SMCHD1: variants seen among roughly 807,000 people sequenced by gnomAD.
SMCHD1 encodes the protein structural maintenance of chromosomes flexible hinge domain containing 1, also known as structural maintenance of chromosomes flexible hinge domain-containing protein 1.
SMCHD1 carries 78 observed loss-of-function variants against 254.7 expected under a neutral mutation model. The observed-to-expected ratio is 0.31, with a 90% CI of 0.26 to 0.37. The LOEUF (loss-of-function observed/expected upper bound fraction) is 0.37. SMCHD1 is among the 10% of genes least tolerant of loss of function. The probability of loss-of-function intolerance (pLI) is 1.00; values close to 1 mark genes in which losing one functional copy is unlikely to be tolerated. For missense variants in SMCHD1, 1,840 were observed against 2,408.1 expected (o/e 0.76, Z 4.94); for synonymous variants, 766 against 794.9 (o/e 0.96, Z 0.61).
At chr18:2,700,956 A>G in intron 12 of SMCHD1, 38 bp downstream of exon 12, 2 of 1,418,896 alleles carry the variant, frequency 1.4e-6, no homozygotes, top group South Asian at 1.4e-5. Flanking sequence ...ATATTTGCAA[A>G]TGTTTTATTT....
At chr18:2,656,284 GA>G in intron 1 of SMCHD1, 23 bp downstream of exon 1, 1 of 1,466,020 alleles carries the variant, frequency 6.8e-7, no homozygotes, top group Non-Finnish European at 8.9e-7. Flanking sequence ...GCGAGGAAGG[GA>G]TGCGCGTGTA....
chr18:2,706,730 TAAA>T (rs554825774), intron 15 of SMCHD1, among the ~76,000 whole-genome samples: 103 of 152,288 alleles, frequency 6.8e-4, no homozygotes, highest in African/African-American at 2.3e-3. Flanking sequence ...TAACATGTTT[TAAA>T]AAAACTCAGT....
At chr18:2,685,237 C>G (rs1164728523) in intron 5 of SMCHD1, among the ~76,000 whole-genome samples, 1 of 151,230 alleles carries the variant, frequency 6.6e-6, no homozygotes, top group African/African-American at 2.4e-5. Context: ...GTAGCTGGGA[C>G]TACAGGCGCC....
At position 2,667,006 on chromosome 18, in the gene SMCHD1, T is replaced by C. The variant is rs7239096; in HGVS notation, c.399T>C (p.Tyr133=). The part of the protein sequence containing the change: ...TLVKSGMYEY[Y]ASEGQNPLPF... ...TTAAAAGTGGCATGTATGAATATTA[T>C]GCCAGTGAAGGACAAAATCCTTTGC... Residue 133 remains tyrosine (Y), a synonymous_variant, in exon 3 of 48, where the codon TAT becomes TAC. Coordinates refer to ENST00000320876, the MANE Select transcript of SMCHD1 (RefSeq NM_015295.3). 6.2e-3 allele frequency: 9,802 copies of C among 1,593,436 alleles called. 510 individuals carry two copies. In the African/African-American group the frequency reaches 0.11, roughly 19 times the overall value.
At position 2,769,747 on chromosome 18, in the gene SMCHD1, T is replaced by C. The variant is rs754352543; in HGVS notation, c.4773T>C (p.Ile1591=). The change falls in exon 38 of 48, where the codon ATT becomes ATC. Residue 1591 remains isoleucine, a synonymous_variant. Coordinates refer to ENST00000320876, the MANE Select transcript of SMCHD1 (RefSeq NM_015295.3). ...SPGRDSTEYF[I]VFEPRLPLLS... ...GAAGGGATAGTACTGAATATTTTAT[T>C]GTATTTGAGCCCCGGCTACCACTTT... 20 of 1,602,810 alleles carry C rather than the reference T, an allele frequency of 1.2e-5. No individual in the cohort carries two copies. Among genetic ancestry groups the C allele is most frequent in the Non-Finnish European group, 1.7e-6 (2 of 1,173,560 alleles).
chr18:2,748,843 G>T (rs1407140078), intron 30 of SMCHD1, among the ~76,000 whole-genome samples: 1 of 152,150 alleles, frequency 6.6e-6, no homozygotes, highest in Non-Finnish European at 1.5e-5. Flanking sequence ...AAATATAAAT[G>T]TAATGGAGAA....
chr18:2,791,246 C>G (rs2076159772), intron 45 of SMCHD1, among the ~76,000 whole-genome samples: 1 of 152,144 alleles, frequency 6.6e-6, no homozygotes, highest in Non-Finnish European at 1.5e-5. Flanking sequence ...AGAACAGAGA[C>G]TTCTGCTTCT....
intron 37 of SMCHD1, among the ~76,000 whole-genome samples, chr18:2,766,049 A>G (rs1323371431): frequency 6.8e-6 from 1 of 147,172 alleles, no homozygotes; most frequent in Non-Finnish European, 1.5e-5. Context: ...GCTGGAGTGC[A>G]GTGGCGCGAT....
At chr18:2,690,506 C>T (rs562280617) in intron 7 of SMCHD1, among the ~76,000 whole-genome samples, 1 of 152,060 alleles carries the variant, frequency 6.6e-6, no homozygotes, top group Non-Finnish European at 1.5e-5. Context: ...GAGTCTCACT[C>T]TCTTGCCCAG....
At chr18:2,800,472 T>A (rs1053737433) in intron 47 of SMCHD1, 1 of 152,122 alleles carries the variant, frequency 6.6e-6, no homozygotes, top group Non-Finnish European at 1.5e-5. Context: ...CACCTGCACA[T>A]TTATCTATTT....
chr18:2,693,560 G>T (rs139969545), intron 7 of SMCHD1, among the ~76,000 whole-genome samples: 2 of 152,320 alleles, frequency 1.3e-5, no homozygotes, highest in East Asian at 3.9e-4. Context: ...TGACAAAAAT[G>T]TTATGTGACA....
chr18:2,759,766 C>T (rs1249641293), intron 34 of SMCHD1, among the ~76,000 whole-genome samples: 3 of 151,744 alleles, frequency 2.0e-5, no homozygotes, highest in South Asian at 2.1e-4. Context: ...GATGGGGTTT[C>T]GCCATGTTGG....
chr18:2,775,068 ATTTTTTTTTT>A (rs10601895), intron 41 of SMCHD1, among the ~76,000 whole-genome samples: 2 of 73,010 alleles, frequency 2.7e-5, no homozygotes, highest in Non-Finnish European at 5.4e-5. Flanking sequence ...AAAAGGAACA[ATTTTTTTTTT>A]TTTTTTTTTT....
At chr18:2,802,303 G>A (rs962699755) in intron 47 of SMCHD1, among the ~76,000 whole-genome samples, 2 of 152,088 alleles carry the variant, frequency 1.3e-5, no homozygotes, top group African/African-American at 4.8e-5. Context: ...ACTTATATAT[G>A]TTATATACTG....
chr18:2,698,107 C>CAAACA, intron 10 of SMCHD1, 66 bp downstream of exon 10: 2 of 1,303,292 alleles, frequency 1.5e-6, no homozygotes, highest in South Asian at 1.3e-5. Context: ...ATTTGTTTTT[C>CAAACA]TAAATGATTA....
chr18:2,771,128 G>T (rs1341588908), intron 39 of SMCHD1, among the ~76,000 whole-genome samples: 1 of 152,116 alleles, frequency 6.6e-6, no homozygotes, highest in Non-Finnish European at 1.5e-5. Flanking sequence ...CAAGATCAAG[G>T]ATATTTAGAA....
At chr18:2,740,341 C>T (rs1340517856) in intron 27 of SMCHD1, among the ~76,000 whole-genome samples, 1 of 151,976 alleles carries the variant, frequency 6.6e-6, no homozygotes, top group African/African-American at 2.4e-5. Context: ...CACTGATGGG[C>T]ATTTGGGTTA....
intron 28 of SMCHD1, among the ~76,000 whole-genome samples, chr18:2,742,452 A>G (rs939911104): frequency 6.6e-6 from 1 of 152,202 alleles, no homozygotes; most frequent in Non-Finnish European, 1.5e-5. Flanking sequence ...GAGCTATCAA[A>G]TTTGGAACCC....
chr18:2,728,070 A>G (rs1404355787), intron 22 of SMCHD1, among the ~76,000 whole-genome samples: 3 of 151,776 alleles, frequency 2.0e-5, no homozygotes, highest in Non-Finnish European at 3.0e-5. Flanking sequence ...TGTCTAAAAC[A>G]TATAGTTACT....
Sources: allele counts gnomAD v4.1 joint callset (sites outside exome capture counted in the v4.1 genomes callset), GRCh38; gene constraint gnomAD v4.1.1; transcripts MANE v1.5; gene names NCBI Gene and HGNC (gene_info 2026-07-23, HGNC 2026-07-21).